Variants in FICD observed in about 807,000 individuals in gnomAD.
The protein encoded by FICD is FIC domain protein adenylyltransferase, also known as protein adenylyltransferase FICD.
A neutral mutation model predicts 28.0 loss-of-function variants in FICD; 13 were observed. The ratio of observed to expected loss-of-function variants is 0.46; its 90% confidence interval spans 0.30 to 0.74. FICD has a LOEUF of 0.74. Ranked by LOEUF, FICD falls within the 30% of genes least tolerant of loss-of-function variation. The pLI is 0.07. For synonymous variants in FICD, 268 were observed against 266.4 expected (o/e 1.01, Z -0.06); for missense variants, 576 against 624.5 (o/e 0.92, Z 0.83).
At chr12:108,516,263 A>G (rs1348081380) in intron 1 of FICD, among the ~76,000 whole-genome samples, 1 of 152,142 alleles carries the variant, frequency 6.6e-6, no homozygotes, top group Non-Finnish European at 1.5e-5. Flanking sequence ...AAGGCCAGAG[A>G]GGGGAAGGGC....
chr12:108,515,882 C>A (rs1468669297), intron 1 of FICD, among the ~76,000 whole-genome samples: 1 of 152,150 alleles, frequency 6.6e-6, no homozygotes, highest in African/African-American at 2.4e-5. Flanking sequence ...GGTTTCCTTC[C>A]GGATGCCTCT....
Position 108,518,568 on chromosome 12 carries a change from T to A in FICD, c.470T>A (p.Ile157Asn), listed in dbSNP as rs1194238907. 4 of 1,614,146 alleles carry A rather than the reference T, an allele frequency of 2.5e-6. No homozygotes were observed. In the South Asian group the frequency reaches 4.4e-5, roughly 18 times the overall value. ...TTCTCGGAAGAAGACAAGGACATCA[T>A]CCAGGCGGACTACTTGTACACCAGA... ...GIFSEEDKDIIQADYLYTRAL... is the reference protein window; with the variant it reads ...GIFSEEDKDINQADYLYTRAL... The change falls in exon 3 of 3, where the codon ATC becomes AAC. Residue 157 changes from isoleucine to asparagine, a missense_variant. Physicochemically the swap from Ile to Asn is moderately radical, Grantham distance 149. Coordinates refer to ENST00000552695, the MANE Select transcript of FICD (RefSeq NM_007076.3). The surrounding 1 kb of genome is among the most constrained non-coding windows in gnomAD (Gnocchi z 4.4).
chr12:108,519,461 C>T lies in FICD; in HGVS notation c.1363C>T (p.Pro455Ser). 3 of 1,610,662 alleles carry T rather than the reference C, an allele frequency of 1.9e-6. No individual in the cohort carries two copies. Among genetic ancestry groups the T allele is most frequent in the Non-Finnish European group, 2.5e-6 (3 of 1,177,410 alleles). ...PNHSGFKETL[P>S]VKP Reference sequence around the variant, plus strand: ...CCACTCTGGGTTCAAGGAGACGCTTCCTGTGAAGCCCTAACCCTAGAAATC... The same window carrying T: ...CCACTCTGGGTTCAAGGAGACGCTTTCTGTGAAGCCCTAACCCTAGAAATC... The change falls in exon 3 of 3, where the codon CCT becomes TCT. Residue 455 changes from proline (P) to serine (S), a missense_variant. Coordinates refer to ENST00000552695, the MANE Select transcript of FICD (RefSeq NM_007076.3). This position sits in a 1 kb window ranked among gnomAD's most constrained non-coding sequence, Gnocchi z 4.5.
chr12:108,519,437 C>T lies in FICD; in HGVS notation c.1339C>T (p.His447Tyr), dbSNP rs762924072. The T allele has an allele frequency of 6.2e-7, 1 of 1,613,908 alleles. No individual in the cohort carries two copies. The highest frequency in any genetic ancestry group is 8.5e-7 in the Non-Finnish European group (1 of 1,179,884). ...GGCACTGCCAGAAGCCCAACCCAACCACTCTGGGTTCAAGGAGACGCTTCC... is the reference window on the plus strand; with the variant it reads ...GGCACTGCCAGAAGCCCAACCCAACTACTCTGGGTTCAAGGAGACGCTTCC... ...SVALPEAQPNHSGFKETLPVK... is the reference protein window; with the variant it reads ...SVALPEAQPNYSGFKETLPVK... Residue 447 changes from histidine (H) to tyrosine (Y), a missense_variant, in exon 3 of 3, where the codon CAC becomes TAC. Transcript: ENST00000552695. This position sits in a 1 kb window ranked among gnomAD's most constrained non-coding sequence, Gnocchi z 4.5.
chr12:108,519,184 C>A lies in FICD; in HGVS notation c.1086C>A (p.Ile362=). 2 of 1,614,256 alleles carry A rather than the reference C, an allele frequency of 1.2e-6. No homozygotes were observed. The highest frequency in any genetic ancestry group is 1.7e-6 in the Non-Finnish European group (2 of 1,180,040). Residue 362 remains isoleucine (I), a synonymous_variant, in exon 3 of 3, where the codon ATC becomes ATA. Coordinates refer to ENST00000552695, the MANE Select transcript of FICD (RefSeq NM_007076.3). This position sits in a 1 kb window ranked among gnomAD's most constrained non-coding sequence, Gnocchi z 4.5. The part of the protein sequence containing the change: ...AALAHYKLVY[I]HPFIDGNGRT... ...TAGCCCATTATAAACTCGTTTACAT[C>A]CACCCTTTCATTGATGGCAACGGGA...
rs756222924 is a variant in FICD, at chr12:108,519,346, C to T, written c.1248C>T (p.Arg416=). 6.2e-7 allele frequency: 1 copy of T among 1,614,084 alleles called. No individual in the cohort carries two copies. The highest frequency in any genetic ancestry group is 1.3e-5 in the African/African-American group (1 of 74,922). The part of the protein sequence containing the change: ...ANEGDVRPFI[R]FIAKCTETTL... ...AGGGCGACGTGAGGCCTTTCATTCG[C>T]TTCATCGCCAAGTGTACTGAGACCA... The change falls in exon 3 of 3, where the codon CGC becomes CGT. Residue 416 remains arginine, a synonymous_variant. Coordinates refer to ENST00000552695, the MANE Select transcript of FICD (RefSeq NM_007076.3). The surrounding 1 kb of genome is among the most constrained non-coding windows in gnomAD (Gnocchi z 4.5).
rs1370777592 is a variant in FICD, at chr12:108,518,041, A to C, written c.302-359A>C. On this transcript the variant is annotated intron_variant, in intron 2 of 2. Coordinates refer to ENST00000552695, the MANE Select transcript of FICD (RefSeq NM_007076.3). The surrounding 1 kb of genome is among the most constrained non-coding windows in gnomAD (Gnocchi z 4.4). The stretch of plus-strand genomic sequence containing the variant: ...GCTGGAGATGTAGGAGACGGCCTAC[A>C]CTGGGAGCTGTGGCCCACAGGAAAG... 1.3e-5 allele frequency: 9 copies of C among 686,350 alleles called. No individual in the cohort carries two copies. Among genetic ancestry groups the C allele is most frequent in the Non-Finnish European group, 1.9e-5 (7 of 375,866 alleles). The allele number at this position is 686,350 out of a possible 1,614,324, so 42.5% of individuals were successfully genotyped here.
Position 108,519,358 on chromosome 12 carries a change from G to A in FICD, c.1260G>A (p.Lys420=), listed in dbSNP as rs1872029573. The A allele has an allele frequency of 6.2e-7, 1 of 1,614,142 alleles. No homozygotes were observed. The highest frequency in any genetic ancestry group is 8.5e-7 in the Non-Finnish European group (1 of 1,180,036). The part of the protein sequence containing the change: ...DVRPFIRFIA[K]CTETTLDTLL... ...GGCCTTTCATTCGCTTCATCGCCAAGTGTACTGAGACCACCCTGGACACCC... is the reference window on the plus strand; with the variant it reads ...GGCCTTTCATTCGCTTCATCGCCAAATGTACTGAGACCACCCTGGACACCC... Residue 420 remains lysine (K), a synonymous_variant, in exon 3 of 3, where the codon AAG becomes AAA. Transcript: ENST00000552695. The surrounding 1 kb of genome is among the most constrained non-coding windows in gnomAD (Gnocchi z 4.5).
chr12:108,519,220 T>C lies in FICD; in HGVS notation c.1122T>C (p.Arg374=). 4 of 1,614,254 alleles carry C rather than the reference T, an allele frequency of 2.5e-6. No homozygotes were observed. In the South Asian group the frequency reaches 4.4e-5, roughly 18 times the overall value. Residue 374 remains arginine, a synonymous_variant, in exon 3 of 3, where the codon CGT becomes CGC. Transcript: ENST00000552695. This position sits in a 1 kb window ranked among gnomAD's most constrained non-coding sequence, Gnocchi z 4.5. ...TTGATGGCAACGGGAGGACCTCCCG[T>C]CTGCTCATGAACCTCATCCTCATGC... ...PFIDGNGRTS[R]LLMNLILMQA...
rs1008441538 is a variant in FICD at position 108,519,677 on chromosome 12, T to G, written c.*202T>G. 1.8e-5 allele frequency: 10 copies of G among 542,176 alleles called. No individual in the cohort carries two copies. Among genetic ancestry groups the G allele is most frequent in the Non-Finnish European group, 1.6e-5 (5 of 311,120 alleles). 33.6% of individuals were successfully genotyped at this position (542,176 alleles called of 1,614,324 possible). On this transcript the variant is annotated 3_prime_UTR_variant, in exon 3 of 3. Coordinates refer to ENST00000552695, the MANE Select transcript of FICD (RefSeq NM_007076.3). This position sits in a 1 kb window ranked among gnomAD's most constrained non-coding sequence, Gnocchi z 4.5. ...TATAATTCAACCAAGCTATTTATTT[T>G]CTTCTTTGGAGCAAGCTAGTCAGTA...
Position 108,517,249 on chromosome 12 carries a change from G to A in FICD, c.277G>A (p.Val93Met), listed in dbSNP as rs939045447. Reference protein sequence around the residue: ...SITSRGATLLVAKTKASPAGK... With the variant: ...SITSRGATLLMAKTKASPAGK... ...CACCTCCAGGGGCGCGACGCTGCTG[G>A]TGGCCAAGACCAAGGCCTCTCCAGG... The change falls in exon 2 of 3, where the codon GTG becomes ATG. Residue 93 changes from valine (V) to methionine (M), a missense_variant. By Grantham distance (21) the Val-to-Met change is conservative (BLOSUM62 1). Coordinates refer to ENST00000552695, the MANE Select transcript of FICD (RefSeq NM_007076.3). The A allele has an allele frequency of 3.2e-6, 5 of 1,542,132 alleles. No individual in the cohort carries two copies. The African/African-American group carries it at 6.8e-5, about 21-fold the overall frequency.
rs1327565753 is a variant in FICD at position 108,520,346 on chromosome 12, G to A, written c.*871G>A. 6.6e-6 allele frequency: 1 copy of A among 152,062 alleles called. No homozygotes were observed. The allele number at this position is 152,062 out of a possible 1,614,324, so 9.4% of individuals were successfully genotyped here. A position where few individuals can be genotyped will look rare whatever the true frequency, so the allele number is the denominator to read the frequency against. On this transcript the variant is annotated 3_prime_UTR_variant, in exon 3 of 3. Transcript: ENST00000552695. ...AGTAGGCATCTGCCCTCACCCCTCT[G>A]CCTGAGTTTTCTGTAGGCAGATGTT...
rs764239107 is a variant in FICD, at chr12:108,517,280, C to T, written c.301+7C>T. 6 of 1,503,402 alleles carry T rather than the reference C, an allele frequency of 4.0e-6. No individual in the cohort carries two copies. Among genetic ancestry groups the T allele is most frequent in the South Asian group, 2.6e-5 (2 of 75,998 alleles). The allele number at this position is 1,503,402 out of a possible 1,614,324, so 93.1% of individuals were successfully genotyped here. ...AAGACCAAGGCCTCTCCAGGTAAGACAGACTGGCCGTCTTCCTCAATGCTT... is the reference window on the plus strand; with the variant it reads ...AAGACCAAGGCCTCTCCAGGTAAGATAGACTGGCCGTCTTCCTCAATGCTT... On this transcript the variant is annotated splice_region_variant and intron_variant, in intron 2 of 2. Coordinates refer to ENST00000552695, the MANE Select transcript of FICD (RefSeq NM_007076.3).
chr12:108,521,037 C>T lies in FICD; in HGVS notation c.*1562C>T, dbSNP rs1421501515. 1 of 152,200 alleles carries T rather than the reference C, an allele frequency of 6.6e-6. No homozygotes were observed. The highest frequency in any genetic ancestry group is 1.9e-4 in the East Asian group (1 of 5,200). 9.4% of individuals were successfully genotyped at this position (152,200 alleles called of 1,614,324 possible). A position where few individuals can be genotyped will look rare whatever the true frequency, so the allele number is the denominator to read the frequency against. ...TAAAATGTGTTTTCGTACTCTTATG[C>T]TGCCAGAGGTACTTCTTAAAACTCT... On this transcript the variant is annotated 3_prime_UTR_variant, in exon 3 of 3. Transcript: ENST00000552695.
At chr12:108,516,451 G>A (rs929493515) in intron 1 of FICD, among the ~76,000 whole-genome samples, 4 of 152,218 alleles carry the variant, frequency 2.6e-5, no homozygotes, top group Admixed American at 6.5e-5. Context: ...GTGGTCAGAA[G>A]CCACAGGGAT....
At position 108,520,455 on chromosome 12, in the gene FICD, A is replaced by C. The variant is rs1872076803; in HGVS notation, c.*980A>C. 6.6e-6 allele frequency: 1 copy of C among 152,218 alleles called. No homozygotes were observed. The highest frequency in any genetic ancestry group is 1.5e-5 in the Non-Finnish European group (1 of 68,044). The allele number at this position is 152,218 out of a possible 1,614,324, so 9.4% of individuals were successfully genotyped here. On this transcript the variant is annotated 3_prime_UTR_variant, in exon 3 of 3. Coordinates refer to ENST00000552695, the MANE Select transcript of FICD (RefSeq NM_007076.3). Reference sequence around the variant, plus strand: ...AGCACCAGTTTCTACTGAATGGAGCAAAAACCTTCAGCCATGGCCAGGCTG... The same window carrying C: ...AGCACCAGTTTCTACTGAATGGAGCCAAAACCTTCAGCCATGGCCAGGCTG...
Position 108,518,401 on chromosome 12 carries a change from G to T in FICD, c.303G>T (p.Ala101=), listed in dbSNP as rs35664142. The T allele has an allele frequency of 4.3e-6, 7 of 1,613,166 alleles. No homozygotes were observed. The highest frequency in any genetic ancestry group is 2.7e-5 in the African/African-American group (2 of 74,878). ...AGCGCTTCTTTGGCTCTCTTCCAGC[G>T]GGTAAGTTGGAAGCCAGAGCTGCCC... The part of the protein sequence containing the change: ...LLVAKTKASP[A]GKLEARAALN... Residue 101 remains alanine, a splice_region_variant and synonymous_variant, in exon 3 of 3, where the codon GCG becomes GCT. Transcript: ENST00000552695. The surrounding 1 kb of genome is among the most constrained non-coding windows in gnomAD (Gnocchi z 4.4).
At position 108,516,959 on chromosome 12, in the gene FICD, T is replaced by C. The variant is rs928657845; in HGVS notation, c.-14T>C. The C allele has an allele frequency of 4.8e-6, 7 of 1,459,780 alleles. No individual in the cohort carries two copies. In the African/African-American group the frequency reaches 9.9e-5, roughly 21 times the overall value. 90.4% of individuals were successfully genotyped at this position (1,459,780 alleles called of 1,614,324 possible). A position where few individuals can be genotyped will look rare whatever the true frequency, so the allele number is the denominator to read the frequency against. The stretch of plus-strand genomic sequence containing the variant: ...GCCTGTGGACATGCGCAAAGGGCCC[T>C]CTCCTGAGTCCAGATGATGCTCATA... On this transcript the variant is annotated 5_prime_UTR_variant, in exon 2 of 3. Transcript: ENST00000552695.
intron 1 of FICD, among the ~76,000 whole-genome samples, chr12:108,516,103 C>G (rs1871902698): frequency 6.6e-6 from 1 of 152,198 alleles, no homozygotes. Context: ...GCATGCCTGG[C>G]CCCACCTCCA....
Sources: gnomAD v4.1 joint callset for allele counts (sites outside exome capture counted in the v4.1 genomes callset) on GRCh38, gnomAD v4.1.1 for gene constraint, Gnocchi (gnomAD v3.1) non-coding constraint, MANE v1.5 for transcripts, NCBI Gene and HGNC (gene_info 2026-07-23, HGNC 2026-07-21) for gene names.